NSUN4: variants seen among roughly 807,000 people sequenced by gnomAD.
NSUN4 encodes 5-cytosine rRNA methyltransferase NSUN4.
Under a neutral mutation model 43.8 loss-of-function variants are expected in NSUN4, and 31 were observed. The observed-to-expected ratio is 0.71, with a 90% CI of 0.53 to 0.96. The LOEUF (loss-of-function observed/expected upper bound fraction) is 0.96. Ranked by LOEUF, NSUN4 falls within the 40% of genes least tolerant of loss-of-function variation. The pLI, the probability that NSUN4 is intolerant of heterozygous loss-of-function variation, is 0.00. For missense variants in NSUN4, 439 were observed against 475.6 expected, an observed-to-expected ratio of 0.92 and a Z score of 0.72; for synonymous variants, 167 against 184.1, an observed-to-expected ratio of 0.91 and a Z score of 0.75.
chr1:46,352,992 G>A lies in NSUN4; in HGVS notation c.717G>A (p.Arg239=). Residue 239 remains arginine (R), a synonymous_variant, in exon 4 of 6, where the codon AGG becomes AGA. Coordinates refer to ENST00000474844, the MANE Select transcript of NSUN4 (RefSeq NM_199044.4). ...NQVRVTSWDG[R]KWGELEGDTY... ...TTCGAGTTACCTCATGGGATGGCAGGAAATGGGGAGAACTGGAGGGGGACA... is the reference window on the plus strand; with the variant it reads ...TTCGAGTTACCTCATGGGATGGCAGAAAATGGGGAGAACTGGAGGGGGACA... The A allele has an allele frequency of 3.1e-6, 5 of 1,614,196 alleles. No homozygotes were observed. The highest frequency in any genetic ancestry group is 3.4e-6 in the Non-Finnish European group (4 of 1,180,022).
intron 2 of NSUN4, among the ~76,000 whole-genome samples, 192 bp from the exon 3 acceptor site, chr1:46,346,729 T>C (rs1662532546): frequency 6.6e-6 from 1 of 152,042 alleles, no homozygotes. Flanking sequence ...CGTCAGTCAA[T>C]CAATCAGTAA....
At chr1:46,369,388 T>C (rs527427669), downstream of NSUN4, among the ~76,000 whole-genome samples, 5 of 152,288 alleles carry the variant, frequency 3.3e-5, no homozygotes, top group South Asian at 1.0e-3. Flanking sequence ...CTGTAGACGC[T>C]AGAGTGGTGA....
In NSUN4 at chr1:46,345,224, G is replaced by C. The variant is rs1662404120; in HGVS notation, c.437+80G>C. 9 of 1,044,606 alleles carry C rather than the reference G, an allele frequency of 8.6e-6. No homozygotes were observed. In the South Asian group the frequency reaches 1.1e-4, roughly 12 times the overall value. 64.7% of individuals were successfully genotyped at this position (1,044,606 alleles called of 1,614,324 possible). ...TGTTGAGACCCAGCTTCTACCCTCTGTAATAAGGACCATAATATTGCTAAT... is the reference window on the plus strand; with the variant it reads ...TGTTGAGACCCAGCTTCTACCCTCTCTAATAAGGACCATAATATTGCTAAT... On this transcript the variant is annotated intron_variant, in intron 2 of 5. Transcript: ENST00000474844.
chr1:46,373,191 T>C, the NSUN4 span, among the ~76,000 whole-genome samples: 1 of 152,212 alleles, frequency 6.6e-6, no homozygotes, highest in African/African-American at 2.4e-5. Context: ...TCTTTTTGTC[T>C]TCTGATCCTT....
chr1:46,341,819 T>C, intron 1 of NSUN4: 2 of 1,232,782 alleles, frequency 1.6e-6, no homozygotes, highest in South Asian at 4.1e-5. Flanking sequence ...GGACACCTTA[T>C]TGCAGCTGGA....
At chr1:46,366,727 A>AAAAAAAAAAAAAAAAAAAAG (rs1553178523), downstream of NSUN4, among the ~76,000 whole-genome samples, 3 of 127,900 alleles carry the variant, frequency 2.3e-5, no homozygotes, top group Non-Finnish European at 5.2e-5. Flanking sequence ...AAAAAAAAAA[A>AAAAAAAAAAAAAAAAAAAAG]AAGTGGGTAG....
At position 46,347,006 on chromosome 1, in the gene NSUN4, G is replaced by A. The variant is rs1662555842; in HGVS notation, c.523G>A (p.Asp175Asn). 6.2e-7 allele frequency: 1 copy of A among 1,614,212 alleles called. No individual in the cohort carries two copies. Among genetic ancestry groups the A allele is most frequent in the Non-Finnish European group, 8.5e-7 (1 of 1,180,032 alleles). The stretch of plus-strand genomic sequence containing the variant: ...TCTGGCCCTCGGCCTGCAGCCTGGG[G>A]ACATCGTGCTTGACCTATGTGCAGC... Reference protein sequence around the residue: ...PVLALGLQPGDIVLDLCAAPG... With the variant: ...PVLALGLQPGNIVLDLCAAPG... Residue 175 changes from aspartate (D) to asparagine (N), a missense_variant, in exon 3 of 6, where the codon GAC (aspartate) becomes AAC (asparagine). Physicochemically the swap from Asp to Asn is conservative, Grantham distance 23. Transcript: ENST00000474844.
At chr1:46,341,015 C>T (rs1298215300) in intron 1 of NSUN4, 96 bp downstream of exon 1, 6 of 1,259,358 alleles carry the variant, frequency 4.8e-6, no homozygotes, top group Non-Finnish European at 6.6e-6. Flanking sequence ...AGCGTCTTTC[C>T]CAAGCACTCC....
chr1:46,369,793 A>G (rs1022628123), downstream of NSUN4, among the ~76,000 whole-genome samples: 6 of 152,192 alleles, frequency 3.9e-5, no homozygotes, highest in Non-Finnish European at 8.8e-5. Flanking sequence ...GCCAACCTAC[A>G]ACAGGGCTTT....
rs1364138224 is a variant in NSUN4, at chr1:46,346,574, ATT to A, written c.438-346_438-345del. 4.6e-3 allele frequency among the ~76,000 whole-genome samples: 696 copies of A among 150,610 alleles called. 10 individuals are homozygous for A. Among genetic ancestry groups the A allele is most frequent in the African/African-American group, 0.016 (660 of 40,762 alleles). ...CTCAAAAAAAAAAAAAAAAAAAAAA[ATT>A]AGCCAGGCATGGTGGCGGGCACCTG... On this transcript the variant is annotated intron_variant, in intron 2 of 5. Transcript: ENST00000474844.
intron 2 of NSUN4, 31 bp downstream of exon 2, chr1:46,345,175 C>T: frequency 2.0e-6 from 3 of 1,507,844 alleles, no homozygotes; most frequent in Non-Finnish European, 2.7e-6. Context: ...TGGAGCGGTC[C>T]TGAGTGTCTG....
Position 46,364,825 on chromosome 1 carries a change from C to T in NSUN4, c.*2979C>T, listed in dbSNP as rs553045370. The T allele has an allele frequency of 6.6e-6, 1 of 152,356 alleles. No individual in the cohort carries two copies. Among genetic ancestry groups the T allele is most frequent in the East Asian group, 1.9e-4 (1 of 5,192 alleles). The allele number at this position is 152,356 out of a possible 1,614,324, so 9.4% of individuals were successfully genotyped here. A position where few individuals can be genotyped will look rare whatever the true frequency, so the allele number is the denominator to read the frequency against. The stretch of plus-strand genomic sequence containing the variant: ...CTGCTGGGAACTTCTGATTTGAGCT[C>T]TTCCAAAACCAGGATGGATGCCTCA... On this transcript the variant is annotated 3_prime_UTR_variant, in exon 6 of 6. Coordinates refer to ENST00000474844, the MANE Select transcript of NSUN4 (RefSeq NM_199044.4).
At chr1:46,383,452 T>G in the NSUN4 span, among the ~76,000 whole-genome samples, 6 of 144,768 alleles carry the variant, frequency 4.1e-5, no homozygotes, top group African/African-American at 1.3e-4. Context: ...GCTGGTGTTT[T>G]TTTTTTTTTT....
rs1424792783 is a variant in NSUN4, at chr1:46,353,948, A to T, written c.753+920A>T. Among the ~76,000 whole-genome samples the T allele has an allele frequency of 3.1e-4, 47 of 152,108 alleles. 1 individual carries two copies. Among genetic ancestry groups the T allele is most frequent in the African/African-American group, 4.8e-5 (2 of 41,422 alleles). On this transcript the variant is annotated intron_variant, in intron 4 of 5. Coordinates refer to ENST00000474844, the MANE Select transcript of NSUN4 (RefSeq NM_199044.4). ...TAGCGATTGCTAAATTTCTCTGTGGAGGTTAAACCAGTTTCACTCCTACTG... is the reference window on the plus strand; with the variant it reads ...TAGCGATTGCTAAATTTCTCTGTGGTGGTTAAACCAGTTTCACTCCTACTG...
At chr1:46,350,457 C>T (rs965824963) in intron 3 of NSUN4, among the ~76,000 whole-genome samples, 3 of 152,212 alleles carry the variant, frequency 2.0e-5, no homozygotes, top group Non-Finnish European at 4.4e-5. Flanking sequence ...ACTTGCATCT[C>T]GCATTCTTTA....
chr1:46,343,105 C>A, intron 1 of NSUN4: 1 of 399,338 alleles, frequency 2.5e-6, no homozygotes, highest in South Asian at 1.3e-4. Context: ...ATAGGGCCCC[C>A]CTGCAATACC....
the NSUN4 span, among the ~76,000 whole-genome samples, chr1:46,376,077 T>C: frequency 1.9e-5 from 2 of 104,814 alleles, no homozygotes; most frequent in African/African-American, 7.6e-5. Flanking sequence ...CACTCCAGCC[T>C]GGGCAACAAG....
At chr1:46,358,942 T>C (rs1316265078) in intron 4 of NSUN4, among the ~76,000 whole-genome samples, 2 of 152,134 alleles carry the variant, frequency 1.3e-5, no homozygotes, top group African/African-American at 4.8e-5. Flanking sequence ...ACTCCAGCAG[T>C]TGACTAGTCT....
chr1:46,371,005 T>C, the NSUN4 span: 3 of 152,668 alleles, frequency 2.0e-5, no homozygotes, highest in African/African-American at 7.2e-5. Flanking sequence ...AGTATTATTA[T>C]CCCCATTTTA....
Sources: gnomAD v4.1 joint callset for allele counts (sites outside exome capture counted in the v4.1 genomes callset) on GRCh38, gnomAD v4.1.1 for gene constraint, MANE v1.5 for transcripts, NCBI Gene and HGNC (gene_info 2026-07-23, HGNC 2026-07-21) for gene names.